ZFP30: variants seen among roughly 807,000 people sequenced by gnomAD.
The protein encoded by ZFP30 is zinc finger protein 30 homolog.
In ZFP30, 16 loss-of-function variants were observed where a neutral mutation model predicts 12.3. The observed-to-expected ratio is 1.30, with a 90% CI of 0.88 to 1.98. The LOEUF (loss-of-function observed/expected upper bound fraction) is 1.98, where lower values mean the gene tolerates loss of function less well. Ranked by LOEUF, ZFP30 falls within the 30% of genes most tolerant of loss-of-function variation. ZFP30 has a pLI of 0.00. For missense variants in ZFP30, 560 were observed against 611.2 expected, an observed-to-expected ratio of 0.92 and a Z score of 0.88; for synonymous variants, 172 against 201.0, an observed-to-expected ratio of 0.86 and a Z score of 1.22.
Position 37,636,231 on chromosome 19 carries a change from T to A in ZFP30, c.310A>T (p.Lys104Ter), listed in dbSNP as rs1418678104. ...DIYEMNLSQW[K>*]VMERIKSCGL... is the part of the protein sequence containing the mutation. Reference sequence around the variant, plus strand: ...CAGCTTTTAATTCTTTCCATTACCTTCCACTGAGATAAGTTCATTTCATAA... The same window carrying A: ...CAGCTTTTAATTCTTTCCATTACCTACCACTGAGATAAGTTCATTTCATAA... Residue 104 changes from lysine (K) to a stop codon, truncating the protein, a stop_gained, in exon 6 of 6, where the codon AAG (lysine) becomes TAG (stop). Transcript: ENST00000684514. LOFTEE classifies it low-confidence loss of function (END_TRUNC). The A allele has an allele frequency of 6.2e-7, 1 of 1,613,576 alleles. No individual in the cohort carries two copies. Among genetic ancestry groups the A allele is most frequent in the African/African-American group, 1.3e-5 (1 of 74,854 alleles).
At chr19:37,647,471 T>C (rs948725006) in intron 3 of ZFP30, among the ~76,000 whole-genome samples, 1 of 152,208 alleles carries the variant, frequency 6.6e-6, no homozygotes, top group African/African-American at 2.4e-5. Context: ...CATTCACTCT[T>C]TGCCTGCCAC....
At position 37,633,757 on chromosome 19, in the gene ZFP30, CAA is replaced by C. The variant is rs1323400641; in HGVS notation, c.*1222_*1223del. Reference sequence around the variant, plus strand: ...TTTTAAATACACAAAAGTAGAATAGCAAAAACAAAACAAATAAAAACCATGTA... The same window carrying C: ...TTTTAAATACACAAAAGTAGAATAGCAAACAAAACAAATAAAAACCATGTA... On this transcript the variant is annotated 3_prime_UTR_variant, in exon 6 of 6. Transcript: ENST00000684514. 6.6e-6 allele frequency: 1 copy of C among 152,006 alleles called. No individual in the cohort carries two copies. Among genetic ancestry groups the C allele is most frequent in the East Asian group, 1.9e-4 (1 of 5,188 alleles). The allele number at this position is 152,006 out of a possible 1,614,324, so 9.4% of individuals were successfully genotyped here.
At chr19:37,644,779 A>G (rs1477692165) in intron 3 of ZFP30, 43 bp from the exon 4 acceptor site, 1 of 1,582,566 alleles carries the variant, frequency 6.3e-7, no homozygotes. Flanking sequence ...ATAAATGAAA[A>G]TATTTTGAAG....
chr19:37,634,252 G>A lies in ZFP30; in HGVS notation c.*729C>T, dbSNP rs1599605671. The A allele has an allele frequency of 6.6e-6, 1 of 152,120 alleles. No individual in the cohort carries two copies. The highest frequency in any genetic ancestry group is 6.5e-5 in the Admixed American group (1 of 15,268). 9.4% of individuals were successfully genotyped at this position (152,120 alleles called of 1,614,324 possible). A position where few individuals can be genotyped will look rare whatever the true frequency, so the allele number is the denominator to read the frequency against. On this transcript the variant is annotated 3_prime_UTR_variant, in exon 6 of 6. Coordinates refer to ENST00000684514, the MANE Select transcript of ZFP30 (RefSeq NM_001320669.3). ...CATTCCTTGAATTTTCTCTAAACTG[G>A]GAGTTGGCTCTTGAGGCTTAAATTC...
Position 37,636,096 on chromosome 19 carries a change from G to C in ZFP30, c.445C>G (p.Gln149Glu), listed in dbSNP as rs2044320396. ...GGTTTCTCTCTGTTATGACTTTTCT[G>C]ATACAGAGGAAGAGATGTGAGTTTT... ...YRKLTSLPLY[Q>E]KSHNREKPYE... Residue 149 changes from glutamine to glutamate, a missense_variant, in exon 6 of 6, where the codon CAG becomes GAG. Gln to Glu is a conservative substitution (Grantham distance 29). Coordinates refer to ENST00000684514, the MANE Select transcript of ZFP30 (RefSeq NM_001320669.3). 6.2e-7 allele frequency: 1 copy of C among 1,614,136 alleles called. No individual in the cohort carries two copies. Among genetic ancestry groups the C allele is most frequent in the South Asian group, 1.1e-5 (1 of 91,080 alleles).
intron 2 of ZFP30, among the ~76,000 whole-genome samples, chr19:37,652,002 G>T (rs2044660806): frequency 6.6e-6 from 1 of 151,962 alleles, no homozygotes; most frequent in Admixed American, 6.6e-5. Flanking sequence ...TTGAACAGAT[G>T]AAAAAAACTC....
At chr19:37,652,181 A>T (rs2044664516) in intron 2 of ZFP30, among the ~76,000 whole-genome samples, 1 of 152,168 alleles carries the variant, frequency 6.6e-6, no homozygotes, top group African/African-American at 2.4e-5. Context: ...GAGTCATATA[A>T]TCCACAAGAG....
rs1024681673 is a variant in ZFP30 at position 37,632,623 on chromosome 19, C to A, written c.*2358G>T. ...ATGTATTTTATTTGAACCAATATAT[C>A]TAAAATATTATTTCAATATGTACTC... On this transcript the variant is annotated 3_prime_UTR_variant, in exon 6 of 6. Coordinates refer to ENST00000684514, the MANE Select transcript of ZFP30 (RefSeq NM_001320669.3). 2.6e-5 allele frequency: 4 copies of A among 152,052 alleles called. No individual in the cohort carries two copies. Among genetic ancestry groups the A allele is most frequent in the Non-Finnish European group, 5.9e-5 (4 of 68,012 alleles). 9.4% of individuals were successfully genotyped at this position (152,052 alleles called of 1,614,324 possible).
chr19:37,646,228 C>T (rs1265516137), intron 3 of ZFP30, among the ~76,000 whole-genome samples: 1 of 152,126 alleles, frequency 6.6e-6, no homozygotes, highest in African/African-American at 2.4e-5. Flanking sequence ...TTGAGGCATC[C>T]ACTGGGGGTC....
intron 4 of ZFP30, 131 bp from the exon 5 acceptor site, chr19:37,643,494 G>T (rs145482153): frequency 3.9e-6 from 2 of 513,244 alleles, no homozygotes; most frequent in African/African-American, 4.0e-5. Flanking sequence ...GAACACAGAA[G>T]TAGGGACCTG....
chr19:37,643,460 C>T (rs1179996291), intron 4 of ZFP30, 97 bp from the exon 5 acceptor site: 1 of 847,942 alleles, frequency 1.2e-6, no homozygotes, highest in Non-Finnish European at 1.6e-6. Flanking sequence ...CATAGAGTTA[C>T]TTCAGGATCA....
chr19:37,652,953 A>C (rs578243852), intron 2 of ZFP30, among the ~76,000 whole-genome samples: 2 of 151,936 alleles, frequency 1.3e-5, no homozygotes, highest in East Asian at 3.9e-4. Flanking sequence ...CCCCGTCTCT[A>C]CTAAATACAA....
In ZFP30 at chr19:37,633,700, TA is replaced by T. The variant is rs1217772977; in HGVS notation, c.*1280del. Reference sequence around the variant, plus strand: ...TTTAAACTGGCTATAATTTCATGGATAATTTGATCTTTAAAAGAACATCATG... The same window carrying T: ...TTTAAACTGGCTATAATTTCATGGATATTTGATCTTTAAAAGAACATCATG... On this transcript the variant is annotated 3_prime_UTR_variant, in exon 6 of 6. Transcript: ENST00000684514. 6.6e-6 allele frequency: 1 copy of T among 152,214 alleles called. No homozygotes were observed. The highest frequency in any genetic ancestry group is 2.4e-5 in the African/African-American group (1 of 41,446). The allele number at this position is 152,214 out of a possible 1,614,324, so 9.4% of individuals were successfully genotyped here. A position where few individuals can be genotyped will look rare whatever the true frequency, so the allele number is the denominator to read the frequency against.
chr19:37,635,037 C>T lies in ZFP30; in HGVS notation c.1504G>A (p.Ala502Thr), dbSNP rs1337090581. The T allele has an allele frequency of 6.3e-7, 1 of 1,593,836 alleles. No homozygotes were observed. The highest frequency in any genetic ancestry group is 8.5e-7 in the Non-Finnish European group (1 of 1,172,528). The change falls in exon 6 of 6, where the codon GCA becomes ACA. Residue 502 changes from alanine (A) to threonine (T), a missense_variant. Transcript: ENST00000684514. ...KPYKCKECKK[A>T]FRQHSHLTYH... is the part of the protein sequence containing the mutation. ...GTAAGATGTGAATGTTGTCTAAATGCCTTTTTACATTCCTTACATTTGTAT... is the reference window on the plus strand; with the variant it reads ...GTAAGATGTGAATGTTGTCTAAATGTCTTTTTACATTCCTTACATTTGTAT...
chr19:37,654,532 T>C (rs1223125942), intron 2 of ZFP30, among the ~76,000 whole-genome samples, 180 bp downstream of exon 2: 1 of 152,170 alleles, frequency 6.6e-6, no homozygotes, highest in Non-Finnish European at 1.5e-5. Flanking sequence ...TGTCTAACTA[T>C]AGAACAGCAT....
chr19:37,648,488 A>C (rs2044585175), intron 2 of ZFP30, among the ~76,000 whole-genome samples: 1 of 151,958 alleles, frequency 6.6e-6, no homozygotes. Flanking sequence ...TTTTTTTTTA[A>C]CTACCTCCTC....
rs2044247123 is a variant in ZFP30 at position 37,632,335 on chromosome 19, T to C, written c.*2646A>G. ...ACACTATACACACACACATTACATA[T>C]ATGTAGTATAGCAACTTATAACTTT... On this transcript the variant is annotated 3_prime_UTR_variant, in exon 6 of 6. Transcript: ENST00000684514. 1.3e-5 allele frequency: 2 copies of C among 152,100 alleles called. No homozygotes were observed. The highest frequency in any genetic ancestry group is 2.1e-4 in the South Asian group (1 of 4,832). 9.4% of individuals were successfully genotyped at this position (152,100 alleles called of 1,614,324 possible).
chr19:37,636,008 C>A lies in ZFP30; in HGVS notation c.533G>T (p.Arg178Ile), dbSNP rs769438014. 14 of 1,614,060 alleles carry A rather than the reference C, an allele frequency of 8.7e-6. No homozygotes were observed. Among genetic ancestry groups the A allele is most frequent in the African/African-American group, 1.3e-5 (1 of 74,934 alleles). ...ATAGGGTTTCTCACCAGTATGAATT[C>A]TTTGATGGAAAGTAAGTTGTTGTCG... ...RVRQQLTFHQ[R>I]IHTGEKPYEC... The change falls in exon 6 of 6, where the codon AGA becomes ATA. Residue 178 changes from arginine (R) to isoleucine (I), a missense_variant. By Grantham distance (97) the Arg-to-Ile change is moderately conservative (BLOSUM62 -3). Transcript: ENST00000684514.
rs1431139982 is a variant in ZFP30 at position 37,635,012 on chromosome 19, G to C, written c.1529C>G (p.Thr510Ser). ...TACATTATGAATTCGCTGATGGTAA[G>C]TAAGATGTGAATGTTGTCTAAATGC... ...KKAFRQHSHL[T>S]YHQRIHNVT The change falls in exon 6 of 6, where the codon ACT becomes AGT. Residue 510 changes from threonine to serine, a missense_variant. By Grantham distance (58) the Thr-to-Ser change is moderately conservative. Transcript: ENST00000684514. The C allele has an allele frequency of 1.9e-6, 3 of 1,565,340 alleles. No individual in the cohort carries two copies. In the Admixed American group the frequency reaches 6.0e-5, roughly 31 times the overall value.
Sources: gnomAD v4.1 joint callset for allele counts (sites outside exome capture counted in the v4.1 genomes callset) on GRCh38, gnomAD v4.1.1 for gene constraint, MANE v1.5 for transcripts, NCBI Gene and HGNC (gene_info 2026-07-23, HGNC 2026-07-21) for gene names.